The following NAV2 variants were observed in gnomAD, a reference collection of about 807,000 sequenced individuals.
NAV2 encodes neuron navigator 2.
NAV2 carries 54 observed loss-of-function variants against 223.2 expected under a neutral mutation model. The ratio of observed to expected loss-of-function variants is 0.24; its 90% CI spans 0.19 to 0.30. The LOEUF (loss-of-function observed/expected upper bound fraction) is 0.30, where lower values mean the gene tolerates loss of function less well. Ranked by LOEUF, NAV2 falls within the 10% of genes least tolerant of loss-of-function variation. The pLI, the probability that NAV2 is intolerant of heterozygous loss-of-function variation, is 1.00. For synonymous variants in NAV2, 1,279 were observed against 1,239.3 expected (o/e 1.03, Z -0.67); for missense variants, 2,806 against 3,147.5 (o/e 0.89, Z 2.60).
intron 1 of NAV2, among the ~76,000 whole-genome samples, chr11:19,574,210 T>C (rs879528382): frequency 1.3e-5 from 2 of 152,250 alleles, no homozygotes; most frequent in African/African-American, 2.4e-5. Flanking sequence ...GCAGTAATCA[T>C]GCTTACCTCC....
chr11:19,818,591 G>T (rs1368776377), intron 1 of NAV2, among the ~76,000 whole-genome samples: 4 of 151,998 alleles, frequency 2.6e-5, no homozygotes, highest in African/African-American at 7.3e-5. Context: ...TTAAAATAGT[G>T]GCTGTAGTTA....
intron 35 of NAV2, among the ~76,000 whole-genome samples, chr11:20,106,175 A>ATATGTGTG (rs11267537): frequency 1.1e-4 from 4 of 35,828 alleles, no homozygotes; most frequent in Non-Finnish European, 1.6e-4. Context: ...ATATATATAT[A>ATATGTGTG]TGTGTGTGTA....
intron 19 of NAV2, among the ~76,000 whole-genome samples, chr11:20,059,766 G>C (rs536499078): frequency 3.3e-5 from 5 of 152,266 alleles, no homozygotes; most frequent in South Asian, 2.1e-4. Flanking sequence ...TATTCTCTAT[G>C]GTTCCTTGTA....
intron 1 of NAV2, among the ~76,000 whole-genome samples, chr11:19,673,298 C>T (rs1276632672): frequency 1.3e-5 from 2 of 152,202 alleles, no homozygotes; most frequent in Non-Finnish European, 2.9e-5. Flanking sequence ...CTGCTATATG[C>T]CAGGCACTGT....
chr11:19,807,432 C>CT (rs971431359), intron 1 of NAV2, among the ~76,000 whole-genome samples: 11 of 152,202 alleles, frequency 7.2e-5, no homozygotes, highest in African/African-American at 2.7e-4. Context: ...CTGGGCCTTT[C>CT]TTTTTTGGGG....
At chr11:20,114,310 T>G (rs769943454) in intron 36 of NAV2, 13 of 491,506 alleles carry the variant, frequency 2.6e-5, no homozygotes, top group Non-Finnish European at 4.8e-5. Context: ...AGGCTCAGAG[T>G]TTAGGGTCAC....
At chr11:19,877,624 C>G (rs1254041475) in intron 4 of NAV2, among the ~76,000 whole-genome samples, 2 of 151,964 alleles carry the variant, frequency 1.3e-5, no homozygotes, top group East Asian at 3.9e-4. Flanking sequence ...ACGCGCCCGC[C>G]ACCACGCCCG....
At chr11:19,563,085 G>C (rs926248559) in intron 1 of NAV2, among the ~76,000 whole-genome samples, 1 of 152,220 alleles carries the variant, frequency 6.6e-6, no homozygotes, top group African/African-American at 2.4e-5. Flanking sequence ...CAGTTTGATT[G>C]CTATGAGAGC....
In NAV2 at chr11:19,409,881, C is replaced by T. The variant is rs150321220; in HGVS notation, c.75+58854C>T. ...CAAAGTTTGAGATTTTTTAATCTAC[C>T]CAGAGTTGGAGAGAAATGACTGAGC... On this transcript the variant is annotated intron_variant, in intron 1 of 37. Coordinates refer to the NAV2 transcript ENST00000360655. 1.9e-3 allele frequency among the ~76,000 whole-genome samples: 294 copies of T among 152,126 alleles called. 1 individual carries two copies. Among genetic ancestry groups the T allele is most frequent in the African/African-American group, 6.4e-3 (266 of 41,506 alleles).
chr11:19,831,238 C>A (rs113551256), intron 1 of NAV2, among the ~76,000 whole-genome samples: 1 of 3,586 alleles, frequency 2.8e-4, no homozygotes, highest in South Asian at 3.2e-3. Flanking sequence ...GGGGGGGGGG[C>A]GCGATGGGGA....
At chr11:19,487,716 G>A (rs912392069) in intron 1 of NAV2, among the ~76,000 whole-genome samples, 4 of 152,194 alleles carry the variant, frequency 2.6e-5, no homozygotes, top group Non-Finnish European at 5.9e-5. Context: ...AACCATGCAA[G>A]TGAGCTGGGA....
At chr11:19,911,050 T>G (rs80329190) in intron 6 of NAV2, among the ~76,000 whole-genome samples, 1 of 145,710 alleles carries the variant, frequency 6.9e-6, no homozygotes, top group Non-Finnish European at 1.5e-5. Flanking sequence ...TTTTTTTTTT[T>G]GGTCTTGATT....
At chr11:19,538,891 TTATATA>T (rs57662236) in intron 1 of NAV2, among the ~76,000 whole-genome samples, 39 of 146,500 alleles carry the variant, frequency 2.7e-4, no homozygotes, top group Middle Eastern at 3.5e-3. Context: ...TAATGACATT[TTATATA>T]TATATATATA....
rs1053297361 is a variant in NAV2, at chr11:19,672,928, G to A, written c.76-159556G>A. 6.6e-5 allele frequency among the ~76,000 whole-genome samples: 10 copies of A among 152,334 alleles called. No individual in the cohort carries two copies. In the East Asian group the frequency reaches 1.9e-3, roughly 29 times the overall value. On this transcript the variant is annotated intron_variant, in intron 1 of 37. Coordinates refer to the NAV2 transcript ENST00000360655. The stretch of plus-strand genomic sequence containing the variant: ...CATGGGGCAGAATATAGATTTGTAA[G>A]TGTTTGTGTGTTTGTTTGCTCCTGG...
intron 1 of NAV2, among the ~76,000 whole-genome samples, chr11:19,440,375 G>C (rs183826208): frequency 3.3e-5 from 5 of 152,156 alleles, no homozygotes; most frequent in Non-Finnish European, 7.3e-5. Flanking sequence ...AGTGCTTCAG[G>C]ATGAGTTGGA....
intron 1 of NAV2, among the ~76,000 whole-genome samples, chr11:19,583,009 G>A (rs1035715658): frequency 6.6e-6 from 1 of 152,198 alleles, no homozygotes; most frequent in African/African-American, 2.4e-5. Context: ...CTAACCATGA[G>A]CATGAAATGT....
At chr11:19,399,390 A>G (rs1284359711) in intron 1 of NAV2, among the ~76,000 whole-genome samples, 1 of 152,118 alleles carries the variant, frequency 6.6e-6, no homozygotes, top group African/African-American at 2.4e-5. Context: ...CTTCTCTCCC[A>G]CAAGTCAGAG....
intron 10 of NAV2, among the ~76,000 whole-genome samples, chr11:19,960,584 T>A (rs2403545): frequency 3.2e-4 from 44 of 137,032 alleles, no homozygotes; most frequent in Non-Finnish European, 4.9e-4. Flanking sequence ...CACCCTTTTT[T>A]AAAATTTTAT....
At chr11:20,089,281 G>A (rs554474456) in intron 26 of NAV2, among the ~76,000 whole-genome samples, 60 of 152,218 alleles carry the variant, frequency 3.9e-4, no homozygotes, top group African/African-American at 1.3e-3. Context: ...TGGTTTTACC[G>A]TGTCTCTCAA....
Sources: gnomAD v4.1 joint callset for allele counts (sites outside exome capture counted in the v4.1 genomes callset) on GRCh38, gnomAD v4.1.1 for gene constraint, MANE v1.5 for transcripts, NCBI Gene and HGNC (gene_info 2026-07-23, HGNC 2026-07-21) for gene names.